Variants in PHACTR2 observed in about 807,000 individuals in gnomAD.
PHACTR2 encodes the protein chromosome 6 open reading frame 56.
In PHACTR2, 30 loss-of-function variants were observed where a neutral mutation model predicts 76.0. The observed-to-expected ratio is 0.39, with a 90% CI of 0.30 to 0.54. The LOEUF is 0.54. Ranked by LOEUF, PHACTR2 falls within the 20% of genes least tolerant of loss-of-function variation. PHACTR2 has a pLI of 0.61. For synonymous variants in PHACTR2, 292 were observed against 292.5 expected, an observed-to-expected ratio of 1.00 and a Z score of 0.02; for missense variants, 696 against 781.1, an observed-to-expected ratio of 0.89 and a Z score of 1.30.
rs772014274 is a variant in PHACTR2, at chr6:143,598,208, C to T, written c.217+61001C>T. 2.6e-5 allele frequency among the ~76,000 whole-genome samples: 4 copies of T among 151,974 alleles called. No individual in the cohort carries two copies. The highest frequency in any genetic ancestry group is 4.1e-4 in the South Asian group (2 of 4,824). Reference sequence around the variant, plus strand: ...AGGATGTTGACTTAATGATCCTGGGCGAAATGATCCTACATTATTTGGCTG... The same window carrying T: ...AGGATGTTGACTTAATGATCCTGGGTGAAATGATCCTACATTATTTGGCTG... On this transcript the variant is annotated intron_variant, in intron 1 of 11. Transcript: ENST00000367584. This position sits in a 1 kb window ranked among gnomAD's most constrained non-coding sequence, Gnocchi z 4.1.
chr6:143,761,266 C>CAAA lies in PHACTR2; in HGVS notation c.694+628_694+630dup, dbSNP rs781079082. ...CCCTGTAGACTTGTGTGTTCTAAGG[C>CAAA]AAAACATCCTGGTGTCATGTGGTTA... On this transcript the variant is annotated intron_variant, in intron 5 of 12. Transcript: ENST00000440869. This position sits in a 1 kb window ranked among gnomAD's most constrained non-coding sequence, Gnocchi z 5.2. Among the ~76,000 whole-genome samples, 1 of 152,162 alleles carries CAAA rather than the reference C, an allele frequency of 6.6e-6. No individual in the cohort carries two copies. Among genetic ancestry groups the CAAA allele is most frequent in the Non-Finnish European group, 1.5e-5 (1 of 68,038 alleles).
At chr6:143,538,985 A>G (rs994439235) in intron 1 of PHACTR2, among the ~76,000 whole-genome samples, 1 of 152,210 alleles carries the variant, frequency 6.6e-6, no homozygotes, top group South Asian at 2.1e-4. Flanking sequence ...ATTGATTTCT[A>G]CAAAGATTAA....
Position 143,537,132 on chromosome 6 carries a change from C to T in PHACTR2, c.142C>T (p.Arg48Cys). The T allele has an allele frequency of 3.1e-6, 1 of 320,322 alleles. No homozygotes were observed. Among genetic ancestry groups the T allele is most frequent in the Non-Finnish European group, 6.1e-6 (1 of 164,300 alleles). The allele number at this position is 320,322 out of a possible 1,614,324, so 19.8% of individuals were successfully genotyped here. Residue 48 changes from arginine to cysteine, a missense_variant, in exon 1 of 12, where the codon CGC becomes TGC. Transcript: ENST00000367584. This position sits in a 1 kb window ranked among gnomAD's most constrained non-coding sequence, Gnocchi z 4.4. ...CTGGCTTCCCGGGGACCCGAGCCCC[C>T]GCGGCCGCTCACAGAGCGACCTCTC...
At chr6:143,721,767 C>T (rs961867072) in intron 2 of PHACTR2, among the ~76,000 whole-genome samples, 3 of 151,922 alleles carry the variant, frequency 2.0e-5, no homozygotes, top group Non-Finnish European at 4.4e-5. Context: ...AGTTTCTCAC[C>T]ACAGGAGTGT....
intron 1 of PHACTR2, among the ~76,000 whole-genome samples, chr6:143,657,812 G>C (rs1054857859): frequency 6.6e-6 from 1 of 152,116 alleles, no homozygotes; most frequent in Non-Finnish European, 1.5e-5. Context: ...ATTGGATGTG[G>C]GCTCCTTCTA....
chr6:143,607,461 G>A (rs963020569), upstream of PHACTR2, among the ~76,000 whole-genome samples: 1 of 152,206 alleles, frequency 6.6e-6, no homozygotes, highest in Non-Finnish European at 1.5e-5. Flanking sequence ...TCCTGTGTTA[G>A]TCAGTCTTTC....
rs901775569 is a variant in PHACTR2, at chr6:143,775,438, A to C, written c.1589+1223A>C. Among the ~76,000 whole-genome samples the C allele has an allele frequency of 6.6e-6, 1 of 152,146 alleles. No individual in the cohort carries two copies. Among genetic ancestry groups the C allele is most frequent in the Non-Finnish European group, 1.5e-5 (1 of 68,026 alleles). On this transcript the variant is annotated intron_variant, in intron 8 of 12. Transcript: ENST00000440869. This position sits in a 1 kb window ranked among gnomAD's most constrained non-coding sequence, Gnocchi z 4.4. ...GGGACTAACGTGATTAATGGTATCGAGCTGGAAAAACCTACAGTTCTAAAC... is the reference window on the plus strand; with the variant it reads ...GGGACTAACGTGATTAATGGTATCGCGCTGGAAAAACCTACAGTTCTAAAC...
chr6:143,721,972 A>G (rs1778453917), intron 2 of PHACTR2, among the ~76,000 whole-genome samples: 1 of 152,172 alleles, frequency 6.6e-6, no homozygotes, highest in Non-Finnish European at 1.5e-5. Context: ...GACTTTTCCA[A>G]AAGTTCTTAT....
chr6:143,804,954 C>G (rs1033213641), intron 11 of PHACTR2, among the ~76,000 whole-genome samples: 2 of 152,174 alleles, frequency 1.3e-5, no homozygotes, highest in Non-Finnish European at 2.9e-5. Flanking sequence ...TTGATTAATT[C>G]TCATGATATT....
At chr6:143,634,829 C>G (rs1776423732) in intron 1 of PHACTR2, among the ~76,000 whole-genome samples, 1 of 152,130 alleles carries the variant, frequency 6.6e-6, no homozygotes, top group South Asian at 2.1e-4. Context: ...AAATATAAAA[C>G]CTGGCCTTGC....
Position 143,754,169 on chromosome 6 carries a change from G to A in PHACTR2, c.454+257G>A. ...TTAAAAGTAATAATCAGAAGGGGTG[G>A]CCTCTTTAATCATTAGAGATGTCTG... On this transcript the variant is annotated intron_variant, in intron 4 of 12. Coordinates refer to ENST00000440869, the MANE Select transcript of PHACTR2 (RefSeq NM_001100164.2). The surrounding 1 kb of genome is among the most constrained non-coding windows in gnomAD (Gnocchi z 6.2). 1 of 237,766 alleles carries A rather than the reference G, an allele frequency of 4.2e-6. No homozygotes were observed. The allele number at this position is 237,766 out of a possible 1,614,324, so 14.7% of individuals were successfully genotyped here.
At chr6:143,576,658 C>T (rs1775516687) in intron 1 of PHACTR2, among the ~76,000 whole-genome samples, 2 of 152,032 alleles carry the variant, frequency 1.3e-5, no homozygotes, top group Admixed American at 1.3e-4. Flanking sequence ...GGGTGGATCA[C>T]TTGAGGTCAG....
upstream of PHACTR2, among the ~76,000 whole-genome samples, chr6:143,605,493 T>C (rs1462749240): frequency 6.6e-6 from 1 of 151,832 alleles, no homozygotes; most frequent in Non-Finnish European, 1.5e-5. This position sits in a 1 kb window ranked among gnomAD's most constrained non-coding sequence, Gnocchi z 5.0. Flanking sequence ...AGGAAAATGG[T>C]CCACTTACTG....
intron 1 of PHACTR2, among the ~76,000 whole-genome samples, chr6:143,594,128 T>A (rs1775722944): frequency 6.6e-6 from 1 of 152,240 alleles, no homozygotes; most frequent in South Asian, 2.1e-4. Flanking sequence ...TATACAAACT[T>A]TGTTTCCTGC....
chr6:143,800,018 G>A lies in PHACTR2; in HGVS notation c.1846-7039G>A, dbSNP rs568194005. Among the ~76,000 whole-genome samples, 142 of 152,292 alleles carry A rather than the reference G, an allele frequency of 9.3e-4. No individual in the cohort carries two copies. The highest frequency in any genetic ancestry group is 3.3e-3 in the African/African-American group (136 of 41,556). ...CCATTATTATTGTGTGGGAGTCTAA[G>A]TTTCTTTGTAAGTCTCTAAGAACTT... On this transcript the variant is annotated intron_variant, in intron 11 of 12. Coordinates refer to ENST00000440869, the MANE Select transcript of PHACTR2 (RefSeq NM_001100164.2). This position sits in a 1 kb window ranked among gnomAD's most constrained non-coding sequence, Gnocchi z 4.8.
In PHACTR2 at chr6:143,791,876, T is replaced by C. The variant is rs369839264; in HGVS notation, c.1845+2966T>C. 2.4e-4 allele frequency among the ~76,000 whole-genome samples: 36 copies of C among 152,324 alleles called. No individual in the cohort carries two copies. The East Asian group carries it at 4.4e-3, about 19-fold the overall frequency. On this transcript the variant is annotated intron_variant, in intron 11 of 12. Transcript: ENST00000440869. This position sits in a 1 kb window ranked among gnomAD's most constrained non-coding sequence, Gnocchi z 4.7. ...TTTATACTACCTTAGTACTATGAAT[T>C]GAAGCAGCAAACCTCTGTGATGTTT...
At position 143,789,797 on chromosome 6, in the gene PHACTR2, T is replaced by G. The variant is rs1775635428; in HGVS notation, c.1845+887T>G. 6.6e-6 allele frequency among the ~76,000 whole-genome samples: 1 copy of G among 152,132 alleles called. No homozygotes were observed. Among genetic ancestry groups the G allele is most frequent in the African/African-American group, 2.4e-5 (1 of 41,414 alleles). On this transcript the variant is annotated intron_variant, in intron 11 of 12. Transcript: ENST00000440869. This position sits in a 1 kb window ranked among gnomAD's most constrained non-coding sequence, Gnocchi z 5.1. ...CATTATTTAAAATACCTGCTATGCA[T>G]CAAGCATATACTGGAGATACAGATT...
Position 143,828,170 on chromosome 6 carries a change from A to G in PHACTR2, c.*4481A>G, listed in dbSNP as rs1316568606. ...ATCTCAAAATAATAATAATAGTAAT[A>G]ATGAATAAAATAAAATAAAATATGT... On this transcript the variant is annotated 3_prime_UTR_variant, in exon 13 of 13. Transcript: ENST00000440869. The surrounding 1 kb of genome is among the most constrained non-coding windows in gnomAD (Gnocchi z 4.7). 1 of 152,096 alleles carries G rather than the reference A, an allele frequency of 6.6e-6. No homozygotes were observed. The highest frequency in any genetic ancestry group is 1.5e-5 in the Non-Finnish European group (1 of 68,012). 9.4% of individuals were successfully genotyped at this position (152,096 alleles called of 1,614,324 possible). A position where few individuals can be genotyped will look rare whatever the true frequency, so the allele number is the denominator to read the frequency against.
Position 143,783,426 on chromosome 6 carries a change from C to T in PHACTR2, c.1707+146C>T. 3.9e-6 allele frequency: 2 copies of T among 514,766 alleles called. No homozygotes were observed. Among genetic ancestry groups the T allele is most frequent in the South Asian group, 2.9e-5 (1 of 34,530 alleles). 31.9% of individuals were successfully genotyped at this position (514,766 alleles called of 1,614,324 possible). ...TAATCATAGACATCAAAATCACAAGCCTGGGCAACATGGTGAAACCCTAGC... is the reference window on the plus strand; with the variant it reads ...TAATCATAGACATCAAAATCACAAGTCTGGGCAACATGGTGAAACCCTAGC... On this transcript the variant is annotated intron_variant, in intron 10 of 12. Transcript: ENST00000440869. This position sits in a 1 kb window ranked among gnomAD's most constrained non-coding sequence, Gnocchi z 5.2.
Sources: gnomAD v4.1 joint callset for allele counts (sites outside exome capture counted in the v4.1 genomes callset) on GRCh38, gnomAD v4.1.1 for gene constraint, Gnocchi (gnomAD v3.1) non-coding constraint, MANE v1.5 for transcripts, NCBI Gene and HGNC (gene_info 2026-07-23, HGNC 2026-07-21) for gene names.